Variants in UGT1A4 observed in about 807,000 individuals in gnomAD.
UGT1A4 encodes UDP glucuronosyltransferase family 1 member A4, also known as UDP-glucuronosyltransferase 1A4.
UGT1A4 carries 32 observed loss-of-function variants against 41.1 expected under a neutral mutation model. The ratio of observed to expected loss-of-function variants is 0.78; its 90% CI spans 0.59 to 1.05. UGT1A4 has a LOEUF of 1.05. UGT1A4 is among the 50% of genes least tolerant of loss of function. The probability of loss-of-function intolerance (pLI) is 0.00; values close to 1 mark genes in which losing one functional copy is unlikely to be tolerated. For synonymous variants in UGT1A4, 283 were observed against 265.1 expected (o/e 1.07, Z -0.66); for missense variants, 748 against 677.4 (o/e 1.10, Z -1.16).
At position 233,747,396 on chromosome 2, in the gene UGT1A4, A is replaced by G. The variant is rs537889953; in HGVS notation, c.868-19638A>G. 2.9e-5 allele frequency: 46 copies of G among 1,606,394 alleles called. 2 individuals carry two copies. In the African/African-American group the frequency reaches 5.6e-4, roughly 20 times the overall value. On this transcript the variant is annotated intron_variant, in intron 1 of 4. Coordinates refer to ENST00000373409, the MANE Select transcript of UGT1A4 (RefSeq NM_007120.3). ...CAGAGGCCACCAGGCGGTGGTCCTCACCCCAGAGGTGAATATGCACATCAA... is the reference window on the plus strand; with the variant it reads ...CAGAGGCCACCAGGCGGTGGTCCTCGCCCCAGAGGTGAATATGCACATCAA...
At chr2:233,725,402 C>T (rs1244153836) in intron 1 of UGT1A4, among the ~76,000 whole-genome samples, 1 of 151,460 alleles carries the variant, frequency 6.6e-6, no homozygotes, top group Non-Finnish European at 1.5e-5. Context: ...CCTTGATGGT[C>T]TAATACAGAA....
rs193084224 is a variant in UGT1A4 at position 233,739,721 on chromosome 2, A to C, written c.867+20034A>C. On this transcript the variant is annotated intron_variant, in intron 1 of 4. Coordinates refer to ENST00000373409, the MANE Select transcript of UGT1A4 (RefSeq NM_007120.3). ...ACAGGCTCATGGGGGAAGGGACTTG[A>C]CTTGTCTCAGATGAGACCTTGGACT... 9.4e-3 allele frequency among the ~76,000 whole-genome samples: 1,433 copies of C among 152,244 alleles called. 32 individuals are homozygous for C. The highest frequency in any genetic ancestry group is 0.032 in the African/African-American group (1,344 of 41,496).
At chr2:233,768,066 C>A in intron 3 of UGT1A4, 130 bp downstream of exon 3, 1 of 1,597,468 alleles carries the variant, frequency 6.3e-7, no homozygotes, top group Non-Finnish European at 8.5e-7. Context: ...TGCTTTTTAT[C>A]TAGTGGGGTA....
intron 1 of UGT1A4, chr2:233,760,526 C>T (rs2125985458): frequency 3.7e-6 from 6 of 1,614,242 alleles, no homozygotes; most frequent in Non-Finnish European, 5.1e-6. Context: ...AAGACGTACC[C>T]TGTGCCATTC....
In UGT1A4 at chr2:233,734,906, CA is replaced by C. The variant is rs200128219; in HGVS notation, c.867+15220del. Reference sequence around the variant, plus strand: ...GTTTGTTGTGATTTCTATTCTTTTACATTTGCTAAGGAGTGCTTTACTTACA... The same window carrying C: ...GTTTGTTGTGATTTCTATTCTTTTACTTTGCTAAGGAGTGCTTTACTTACA... On this transcript the variant is annotated intron_variant, in intron 1 of 4. Coordinates refer to ENST00000373409, the MANE Select transcript of UGT1A4 (RefSeq NM_007120.3). Among the ~76,000 whole-genome samples, 55 of 152,278 alleles carry C rather than the reference CA, an allele frequency of 3.6e-4. No homozygotes were observed. The East Asian group carries it at 0.011, about 29-fold the overall frequency.
intron 1 of UGT1A4, chr2:233,721,743 A>G: frequency 2.3e-6 from 1 of 437,974 alleles, no homozygotes; most frequent in Non-Finnish European, 4.5e-6. Flanking sequence ...TAATGATGAG[A>G]GAATCTACAT....
chr2:233,734,383 T>C (rs1334676170), intron 1 of UGT1A4, among the ~76,000 whole-genome samples: 1 of 152,214 alleles, frequency 6.6e-6, no homozygotes, highest in African/African-American at 2.4e-5. Context: ...GCCTTTACTA[T>C]TTTTTATTGC....
At chr2:233,756,874 G>C (rs1221596581) in intron 1 of UGT1A4, among the ~76,000 whole-genome samples, 1 of 152,098 alleles carries the variant, frequency 6.6e-6, no homozygotes, top group Non-Finnish European at 1.5e-5. Context: ...GGTATTAGGT[G>C]TAATGAGGAT....
intron 1 of UGT1A4, chr2:233,755,525 C>T (rs1695949883): frequency 6.3e-6 from 1 of 159,908 alleles, no homozygotes; most frequent in South Asian, 1.8e-4. Flanking sequence ...CTCCGGCCTC[C>T]AACCAGCCAT....
chr2:233,751,278 T>A (rs932458563), intron 1 of UGT1A4, among the ~76,000 whole-genome samples: 3 of 151,934 alleles, frequency 2.0e-5, no homozygotes, highest in African/African-American at 7.3e-5. Flanking sequence ...TTTTGGCCAG[T>A]TTCTCCCATT....
At chr2:233,726,402 T>C (rs1404707610) in intron 1 of UGT1A4, among the ~76,000 whole-genome samples, 7 of 152,206 alleles carry the variant, frequency 4.6e-5, no homozygotes, top group Non-Finnish European at 1.0e-4. Context: ...AGTCTTTTGA[T>C]GTCAGCATTC....
intron 1 of UGT1A4, among the ~76,000 whole-genome samples, chr2:233,756,874 G>A (rs1221596581): frequency 3.9e-5 from 6 of 152,098 alleles, no homozygotes; most frequent in Non-Finnish European, 7.3e-5. Context: ...GGTATTAGGT[G>A]TAATGAGGAT....
At chr2:233,771,313 C>G (rs1428095504) in intron 4 of UGT1A4, 1 of 152,138 alleles carries the variant, frequency 6.6e-6, no homozygotes, top group Non-Finnish European at 1.5e-5. Context: ...CCTTTTCCCT[C>G]TCCTCTTCAA....
chr2:233,729,371 T>C, intron 1 of UGT1A4: 2 of 1,614,096 alleles, frequency 1.2e-6, no homozygotes, highest in Non-Finnish European at 8.5e-7. Flanking sequence ...ACCTATGCCA[T>C]TTCGTGGACC....
rs1247902787 is a variant in UGT1A4 at position 233,740,991 on chromosome 2, GAGGA to G, written c.867+21309_867+21312del. The G allele has an allele frequency of 1.6e-4, 25 of 151,764 alleles. 2 individuals are homozygous for G. Among genetic ancestry groups the G allele is most frequent in the African/African-American group, 6.1e-4 (25 of 41,070 alleles). 9.4% of individuals were successfully genotyped at this position (151,764 alleles called of 1,614,324 possible). A position where few individuals can be genotyped will look rare whatever the true frequency, so the allele number is the denominator to read the frequency against. ...AGTCCTAGCTACTGGGAATGCTGAGGAGGAAGGATCACTTGAGCCCAGGAATTCG... is the reference window on the plus strand; with the variant it reads ...AGTCCTAGCTACTGGGAATGCTGAGGAGGATCACTTGAGCCCAGGAATTCG... On this transcript the variant is annotated intron_variant, in intron 1 of 4. Coordinates refer to ENST00000373409, the MANE Select transcript of UGT1A4 (RefSeq NM_007120.3).
chr2:233,765,641 G>GGTCA (rs1313587077), intron 1 of UGT1A4, among the ~76,000 whole-genome samples: 3 of 151,492 alleles, frequency 2.0e-5, no homozygotes, highest in Non-Finnish European at 2.9e-5. Flanking sequence ...TTAGAGGATA[G>GGTCA]GTCAATAGGT....
chr2:233,751,986 T>A (rs1694863386), intron 1 of UGT1A4, among the ~76,000 whole-genome samples: 1 of 152,156 alleles, frequency 6.6e-6, no homozygotes, highest in South Asian at 2.1e-4. Context: ...TGAATCTGCA[T>A]TTATTGAGAA....
chr2:233,769,731 T>C lies in UGT1A4; in HGVS notation c.1307+1292T>C. ...TTGGCTAGGCACCATGGCACACGCC[T>C]GTAGTCCCAGCCACTCTGGAGGCTA... On this transcript the variant is annotated intron_variant, in intron 4 of 4. Coordinates refer to ENST00000373409, the MANE Select transcript of UGT1A4 (RefSeq NM_007120.3). The surrounding 1 kb of genome is among the most constrained non-coding windows in gnomAD (Gnocchi z 4.4). The C allele has an allele frequency of 6.8e-7, 1 of 1,467,200 alleles. No individual in the cohort carries two copies. Among genetic ancestry groups the C allele is most frequent in the Non-Finnish European group, 9.0e-7 (1 of 1,108,292 alleles). 90.9% of individuals were successfully genotyped at this position (1,467,200 alleles called of 1,614,324 possible). A position where few individuals can be genotyped will look rare whatever the true frequency, so the allele number is the denominator to read the frequency against.
chr2:233,730,100 C>A, intron 1 of UGT1A4: 1 of 1,582,980 alleles, frequency 6.3e-7, no homozygotes, highest in Non-Finnish European at 8.6e-7. Flanking sequence ...CCAAATATTT[C>A]ATTTCTGCTT....
Sources: gnomAD v4.1 joint callset for allele counts (sites outside exome capture counted in the v4.1 genomes callset) on GRCh38, gnomAD v4.1.1 for gene constraint, Gnocchi (gnomAD v3.1) non-coding constraint, MANE v1.5 for transcripts, NCBI Gene and HGNC (gene_info 2026-07-23, HGNC 2026-07-21) for gene names.